Variants in IGF1R observed in about 807,000 individuals in gnomAD.
IGF1R encodes the protein insulin like growth factor 1 receptor, also known as insulin-like growth factor 1 receptor.
In IGF1R, 44 loss-of-function variants were observed where a neutral mutation model predicts 144.6. The observed-to-expected ratio is 0.30, with a 90% confidence interval of 0.24 to 0.39. IGF1R has a LOEUF of 0.39. Ranked by LOEUF, IGF1R falls within the 10% of genes least tolerant of loss-of-function variation. IGF1R has a pLI of 1.00. For missense variants in IGF1R, 1,355 were observed against 1,833.7 expected (o/e 0.74, Z 4.77); for synonymous variants, 795 against 722.8 (o/e 1.10, Z -1.60).
rs1166669303 is a variant in IGF1R at position 98,960,255 on chromosome 15, C to G, written c.*2813C>G. 1 of 233,288 alleles carries G rather than the reference C, an allele frequency of 4.3e-6. No homozygotes were observed. Among genetic ancestry groups the G allele is most frequent in the Non-Finnish European group, 8.5e-6 (1 of 118,020 alleles). The allele number at this position is 233,288 out of a possible 1,614,324, so 14.5% of individuals were successfully genotyped here. ...AACTCACCTCTCTGCTCATTTCAGA[C>G]AGCTTGCCTTTTTCTGAGATGTCCT... On this transcript the variant is annotated 3_prime_UTR_variant, in exon 21 of 21. Transcript: ENST00000650285.
chr15:98,746,443 T>C (rs889642213), intron 2 of IGF1R, among the ~76,000 whole-genome samples: 2 of 152,174 alleles, frequency 1.3e-5, no homozygotes, highest in African/African-American at 4.8e-5. Flanking sequence ...AAGGTGTGAG[T>C]GCATGCCTCC....
intron 2 of IGF1R, among the ~76,000 whole-genome samples, chr15:98,881,626 C>T (rs184384569): frequency 5.8e-4 from 88 of 152,216 alleles, no homozygotes; most frequent in Admixed American, 1.2e-3. Flanking sequence ...CCTGGCCGGC[C>T]CTTCCTTTTA....
At chr15:98,673,732 T>A (rs1410914624) in intron 1 of IGF1R, among the ~76,000 whole-genome samples, 2 of 152,216 alleles carry the variant, frequency 1.3e-5, no homozygotes, top group Admixed American at 1.3e-4. Context: ...CTGGGTGCTC[T>A]GAATGAGCAG....
In IGF1R at chr15:98,878,663, C is replaced by CAAAAAAAAAAAAAAAAA. The variant is rs138285597; in HGVS notation, c.641-12646_641-12630dup. 6.9e-5 allele frequency among the ~76,000 whole-genome samples: 4 copies of CAAAAAAAAAAAAAAAAA among 57,904 alleles called. 1 individual carries two copies. The highest frequency in any genetic ancestry group is 1.0e-4 in the African/African-American group (1 of 9,626). 38.0% of individuals were successfully genotyped at this position (57,904 alleles called of 152,430 possible). A position where few individuals can be genotyped will look rare whatever the true frequency, so the allele number is the denominator to read the frequency against. ...TCTCTCTTCTTATTTGTGAAAGACT[C>CAAAAAAAAAAAAAAAAA]AAAAAAAAAAAAAAAAAAAAAAAAA... On this transcript the variant is annotated intron_variant, in intron 2 of 20. Coordinates refer to ENST00000650285, the MANE Select transcript of IGF1R (RefSeq NM_000875.5).
chr15:98,833,757 AAAG>A (rs1199747841), intron 2 of IGF1R, among the ~76,000 whole-genome samples: 2 of 152,262 alleles, frequency 1.3e-5, no homozygotes, highest in East Asian at 3.8e-4. Context: ...TAAAAACAAA[AAAG>A]AAAAATCTTA....
rs752338598 is a variant in IGF1R at position 98,899,631 on chromosome 15, C to T, written c.1247+10C>T. Reference sequence around the variant, plus strand: ...AGGAGCAGCTAGAAGGGTAAGTGCCCCAAATTTCATGAGCTGACGTTCTAT... The same window carrying T: ...AGGAGCAGCTAGAAGGGTAAGTGCCTCAAATTTCATGAGCTGACGTTCTAT... On this transcript the variant is annotated intron_variant, in intron 5 of 20. Coordinates refer to ENST00000650285, the MANE Select transcript of IGF1R (RefSeq NM_000875.5). 1.5e-5 allele frequency: 25 copies of T among 1,613,636 alleles called. No individual in the cohort carries two copies. In the South Asian group the frequency reaches 2.6e-4, roughly 17 times the overall value.
intron 2 of IGF1R, among the ~76,000 whole-genome samples, chr15:98,737,186 T>C (rs2054631431): frequency 6.6e-6 from 1 of 152,204 alleles, no homozygotes; most frequent in South Asian, 2.1e-4. Flanking sequence ...AATTACTTCC[T>C]GCACTCATCT....
At chr15:98,863,588 C>T (rs1001920479) in intron 2 of IGF1R, among the ~76,000 whole-genome samples, 2 of 152,134 alleles carry the variant, frequency 1.3e-5, no homozygotes, top group African/African-American at 4.8e-5. Flanking sequence ...CTAGCAGTGG[C>T]AAGTCCACTT....
chr15:98,963,806 A>C lies in IGF1R; in HGVS notation c.*6364A>C, dbSNP rs2017321077. On this transcript the variant is annotated 3_prime_UTR_variant, in exon 21 of 21. Coordinates refer to ENST00000650285, the MANE Select transcript of IGF1R (RefSeq NM_000875.5). ...ATTTCCAATACAGAAAAGAATTTTT[A>C]ATAAAAACTATAACATACACAAAAA... 4.3e-6 allele frequency: 1 copy of C among 232,986 alleles called. No homozygotes were observed. Among genetic ancestry groups the C allele is most frequent in the South Asian group, 1.8e-4 (1 of 5,532 alleles). The allele number at this position is 232,986 out of a possible 1,614,324, so 14.4% of individuals were successfully genotyped here.
chr15:98,914,828 C>G (rs2015173790), intron 8 of IGF1R, among the ~76,000 whole-genome samples: 1 of 152,114 alleles, frequency 6.6e-6, no homozygotes, highest in Non-Finnish European at 1.5e-5. Context: ...TTTGGTGACA[C>G]CTATCGTAAG....
At position 98,673,364 on chromosome 15, in the gene IGF1R, A is replaced by T. The variant is rs536284096; in HGVS notation, c.94+23689A>T. Among the ~76,000 whole-genome samples, 339 of 152,314 alleles carry T rather than the reference A, an allele frequency of 2.2e-3. 4 individuals carry two copies. The highest frequency in any genetic ancestry group is 3.2e-3 in the Admixed American group (49 of 15,306). On this transcript the variant is annotated intron_variant, in intron 1 of 20. Coordinates refer to ENST00000650285, the MANE Select transcript of IGF1R (RefSeq NM_000875.5). ...GGACTAGCGGTTGTACAGTAAATAG[A>T]TGATCATTCTCGCTCTGTTTTACCT...
At chr15:98,743,338 G>C (rs2054790924) in intron 2 of IGF1R, among the ~76,000 whole-genome samples, 1 of 152,150 alleles carries the variant, frequency 6.6e-6, no homozygotes, top group African/African-American at 2.4e-5. Flanking sequence ...ATTTGGAGTA[G>C]GGCTGGGCCA....
intron 2 of IGF1R, among the ~76,000 whole-genome samples, chr15:98,731,765 A>T (rs957245682): frequency 5.3e-5 from 8 of 152,224 alleles, no homozygotes; most frequent in African/African-American, 1.9e-4. Flanking sequence ...TACAGGTTGG[A>T]GGCTTGTACA....
At position 98,914,799 on chromosome 15, in the gene IGF1R, T is replaced by C. The variant is rs2015172611; in HGVS notation, c.1829-1165T>C. On this transcript the variant is annotated intron_variant, in intron 8 of 20. Coordinates refer to ENST00000650285, the MANE Select transcript of IGF1R (RefSeq NM_000875.5). ...CACGCAGCGGAGACAGACGAGAACT[T>C]GGTCCTCTGCCTCTGCTGTTTGGTG... Among the ~76,000 whole-genome samples the C allele has an allele frequency of 2.0e-5, 3 of 152,202 alleles. 1 individual carries two copies. Among genetic ancestry groups the C allele is most frequent in the South Asian group, 4.1e-4 (2 of 4,828 alleles).
At chr15:98,690,045 C>T (rs2053437468) in intron 1 of IGF1R, among the ~76,000 whole-genome samples, 1 of 152,072 alleles carries the variant, frequency 6.6e-6, no homozygotes, top group Non-Finnish European at 1.5e-5. Flanking sequence ...ATGATAATGA[C>T]CTAAAAACAT....
At chr15:98,656,012 A>G (rs1390852179) in intron 1 of IGF1R, among the ~76,000 whole-genome samples, 2 of 152,240 alleles carry the variant, frequency 1.3e-5, no homozygotes, top group East Asian at 1.9e-4. Flanking sequence ...TTGTAAACTC[A>G]TAGATTGCTC....
chr15:98,845,504 T>C (rs1231911284), intron 2 of IGF1R, among the ~76,000 whole-genome samples: 214 of 117,700 alleles, frequency 1.8e-3, no homozygotes, highest in African/African-American at 6.7e-3. Flanking sequence ...CTTCTCCTCC[T>C]CCCTCCTCCT....
chr15:98,740,841 A>G (rs952532623), intron 2 of IGF1R, among the ~76,000 whole-genome samples: 2 of 152,168 alleles, frequency 1.3e-5, no homozygotes, highest in African/African-American at 2.4e-5. Flanking sequence ...CCACAACCCT[A>G]TTCCCCTACT....
At chr15:98,681,974 T>C (rs2053201059) in intron 1 of IGF1R, among the ~76,000 whole-genome samples, 1 of 152,236 alleles carries the variant, frequency 6.6e-6, no homozygotes, top group Admixed American at 6.5e-5. Context: ...ACTTTTTCTT[T>C]TGAGCTTAGT....
Sources: gnomAD v4.1 joint callset for allele counts (sites outside exome capture counted in the v4.1 genomes callset) on GRCh38, gnomAD v4.1.1 for gene constraint, MANE v1.5 for transcripts, NCBI Gene and HGNC (gene_info 2026-07-23, HGNC 2026-07-21) for gene names.